UNC80: variants seen among roughly 807,000 people sequenced by gnomAD.
The protein encoded by UNC80 is unc-80 subunit of NALCN channel complex.
A neutral mutation model predicts 384.6 loss-of-function variants in UNC80; 164 were observed. The observed-to-expected ratio is 0.43, with a 90% CI of 0.38 to 0.49. The LOEUF (loss-of-function observed/expected upper bound fraction) is 0.49, where lower values mean the gene tolerates loss of function less well. UNC80 is among the 20% of genes least tolerant of loss of function. UNC80 has a pLI of 0.00. For synonymous variants in UNC80, 1,486 were observed against 1,527.8 expected, an observed-to-expected ratio of 0.97 and a Z score of 0.64; for missense variants, 3,330 against 4,143.0, an observed-to-expected ratio of 0.80 and a Z score of 5.39.
chr2:209,798,987 G>T (rs1343184440), intron 7 of UNC80, among the ~76,000 whole-genome samples: 1 of 150,074 alleles, frequency 6.7e-6, no homozygotes, highest in African/African-American at 2.4e-5. Context: ...CCCAGCCTAT[G>T]GGTCTCCTTT....
In UNC80 at chr2:209,954,128, T is replaced by A. The variant is rs575597019; in HGVS notation, c.7315T>A (p.Leu2439Ile). ...SLQMLMVLEA[L>I]VPCYLQKLKR... Reference sequence around the variant, plus strand: ...TCAGATGCTGATGGTCTTAGAAGCCTTAGTTCCATGTTACCTACAAAAGCT... The same window carrying A: ...TCAGATGCTGATGGTCTTAGAAGCCATAGTTCCATGTTACCTACAAAAGCT... The change falls in exon 48 of 65, where the codon TTA becomes ATA. Residue 2439 changes from leucine to isoleucine, a missense_variant. Physicochemically the swap from Leu to Ile is conservative, Grantham distance 5. Transcript: ENST00000673920. The A allele has an allele frequency of 6.1e-5, 94 of 1,550,854 alleles. No individual in the cohort carries two copies. The highest frequency in any genetic ancestry group is 8.1e-5 in the Non-Finnish European group (93 of 1,146,880).
chr2:209,869,666 T>C (rs956098756), intron 22 of UNC80, among the ~76,000 whole-genome samples: 1 of 152,178 alleles, frequency 6.6e-6, no homozygotes, highest in Non-Finnish European at 1.5e-5. Flanking sequence ...GTCATCATCC[T>C]TGATGGAAAC....
chr2:209,789,247 G>T lies in UNC80; in HGVS notation c.725-285G>T, dbSNP rs181637253. Among the ~76,000 whole-genome samples the T allele has an allele frequency of 9.2e-5, 14 of 152,302 alleles. No homozygotes were observed. In the East Asian group the frequency reaches 2.5e-3, roughly 27 times the overall value. On this transcript the variant is annotated intron_variant, in intron 5 of 64. Coordinates refer to ENST00000673920, the MANE Select transcript of UNC80 (RefSeq NM_001371986.1). ...CTTAGGAACTTTGCATATATTAGGT[G>T]CTGAGTAGGTGTTAACTATTATTGT...
intron 7 of UNC80, among the ~76,000 whole-genome samples, chr2:209,812,216 AT>A (rs796729702): frequency 0.029 from 3,988 of 137,510 alleles, 54 homozygotes; most frequent in Middle Eastern, 0.038. Context: ...AGAGCGGCTA[AT>A]TTTTTTTTTT....
intron 21 of UNC80, among the ~76,000 whole-genome samples, chr2:209,844,303 A>G (rs910744905): frequency 6.6e-6 from 1 of 152,130 alleles, no homozygotes; most frequent in Non-Finnish European, 1.5e-5. Context: ...CTAAAGTATA[A>G]CTGAGGCTTA....
At chr2:209,812,620 G>T (rs573241531) in intron 7 of UNC80, among the ~76,000 whole-genome samples, 1 of 152,144 alleles carries the variant, frequency 6.6e-6, no homozygotes, top group Non-Finnish European at 1.5e-5. Context: ...GTGCTTGGGA[G>T]TTAAGTTTAG....
chr2:209,784,206 C>T (rs984947426), intron 4 of UNC80, among the ~76,000 whole-genome samples: 1 of 152,096 alleles, frequency 6.6e-6, no homozygotes, highest in Admixed American at 6.6e-5. Context: ...TCTATTAGTA[C>T]CCCCATCTAA....
chr2:209,913,823 C>G lies in UNC80; in HGVS notation c.4912C>G (p.Pro1638Ala), dbSNP rs901436756. Reference protein sequence around the residue: ...RLQVMSLSPAPLSLLIKAAPI... With the variant: ...RLQVMSLSPAALSLLIKAAPI... ...CCAGGTGATGAGCTTGTCGCCTGCTCCCTTATCTCTGTTAATCAAGGCAGC... is the reference window on the plus strand; with the variant it reads ...CCAGGTGATGAGCTTGTCGCCTGCTGCCTTATCTCTGTTAATCAAGGCAGC... The change falls in exon 31 of 65, where the codon CCC becomes GCC. Residue 1638 changes from proline to alanine, a missense_variant. Pro to Ala is a conservative substitution (Grantham distance 27). Around this residue, in one of 8 missense-constraint regions of UNC80, gnomAD observed 801 missense variants for 950.8 expected, o/e 0.84. Transcript: ENST00000673920. 23 of 1,550,250 alleles carry G rather than the reference C, an allele frequency of 1.5e-5. No individual in the cohort carries two copies. The highest frequency in any genetic ancestry group is 2.7e-5 in the African/African-American group (2 of 73,030).
chr2:209,894,685 T>A (rs1173418685), intron 27 of UNC80, among the ~76,000 whole-genome samples: 1 of 152,188 alleles, frequency 6.6e-6, no homozygotes, highest in Non-Finnish European at 1.5e-5. Flanking sequence ...GACGACACTT[T>A]GAGCAGCAAG....
intron 23 of UNC80, among the ~76,000 whole-genome samples, chr2:209,875,146 C>T (rs752992373): frequency 5.3e-5 from 8 of 152,184 alleles, no homozygotes; most frequent in Non-Finnish European, 1.0e-4. Context: ...CAAGATATGA[C>T]ATTCATCCTC....
At chr2:209,772,228 G>T (rs1194818813) in intron 1 of UNC80, 64 bp downstream of exon 1, 2 of 1,019,384 alleles carry the variant, frequency 2.0e-6, no homozygotes, top group Non-Finnish European at 2.5e-6. Context: ...GGGCCGCCCG[G>T]GTCGCCGCTG....
At chr2:209,936,956 C>G (rs572854778) in intron 41 of UNC80, 23 bp downstream of exon 41, 1 of 1,476,618 alleles carries the variant, frequency 6.8e-7, no homozygotes, top group African/African-American at 1.4e-5. Flanking sequence ...TAGTGACATC[C>G]CCGTTGAGTT....
chr2:209,993,946 C>A, intron 63 of UNC80, 119 bp from the exon 64 acceptor site: 1 of 865,034 alleles, frequency 1.2e-6, no homozygotes, highest in Non-Finnish European at 1.7e-6. Flanking sequence ...TATTAATAAA[C>A]CAGCAATGTT....
rs771119608 is a variant in UNC80 at position 209,997,885 on chromosome 2, A to G, written c.*2290A>G. The G allele has an allele frequency of 6.6e-6, 1 of 152,164 alleles. No individual in the cohort carries two copies. Among genetic ancestry groups the G allele is most frequent in the Non-Finnish European group, 1.5e-5 (1 of 68,022 alleles). The allele number at this position is 152,164 out of a possible 1,614,324, so 9.4% of individuals were successfully genotyped here. The stretch of plus-strand genomic sequence containing the variant: ...GGCTAAAGTATCTATATGTATGTGC[A>G]TAAAACTGTCACAAGATGTATTCTC... On this transcript the variant is annotated 3_prime_UTR_variant, in exon 65 of 65. Coordinates refer to ENST00000673920, the MANE Select transcript of UNC80 (RefSeq NM_001371986.1).
At chr2:209,808,269 AAG>A (rs2079035684) in intron 7 of UNC80, among the ~76,000 whole-genome samples, 1 of 143,632 alleles carries the variant, frequency 7.0e-6, no homozygotes, top group African/African-American at 2.4e-5. Flanking sequence ...TAGGATTATT[AAG>A]AGTGTTCAAG....
At chr2:209,886,722 T>C (rs2085843131) in intron 25 of UNC80, among the ~76,000 whole-genome samples, 1 of 152,236 alleles carries the variant, frequency 6.6e-6, no homozygotes, top group African/African-American at 2.4e-5. Context: ...CTGAACTGCC[T>C]TTCCCCACTT....
Position 209,982,187 on chromosome 2 carries a change from A to G in UNC80, c.9127A>G (p.Ile3043Val), listed in dbSNP as rs891223670. ...TCCTTTGCCCCTTTTAGATGACTCTATAAGCATGCCCAGCGTGGTAAGTGA... is the reference window on the plus strand; with the variant it reads ...TCCTTTGCCCCTTTTAGATGACTCTGTAAGCATGCCCAGCGTGGTAAGTGA... ...TDEEDEENDS[I>V]SMPSVVSEQE... is the part of the protein sequence containing the mutation. The change falls in exon 60 of 65, where the codon ATA (isoleucine) becomes GTA (valine). Residue 3043 changes from isoleucine (I) to valine (V), a missense_variant. Physicochemically the swap from Ile to Val is conservative, Grantham distance 29. Transcript: ENST00000673920. 13 of 1,551,342 alleles carry G rather than the reference A, an allele frequency of 8.4e-6. No homozygotes were observed. Among genetic ancestry groups the G allele is most frequent in the East Asian group, 2.4e-5 (1 of 40,908 alleles).
At chr2:209,849,653 G>GC (rs2082383204) in intron 22 of UNC80, 30 bp downstream of exon 22, 1 of 1,546,370 alleles carries the variant, frequency 6.5e-7, no homozygotes, top group Non-Finnish European at 8.7e-7. Context: ...TTCCCACCCT[G>GC]CCCCCCATCC....
intron 25 of UNC80, 74 bp from the exon 26 acceptor site, chr2:209,888,021 T>C: frequency 6.9e-7 from 1 of 1,440,560 alleles, no homozygotes; most frequent in Non-Finnish European, 9.4e-7. Flanking sequence ...TTCAAAATGG[T>C]GGGAGGCTTG....
Sources: allele counts gnomAD v4.1 joint callset (sites outside exome capture counted in the v4.1 genomes callset), GRCh38; gene constraint gnomAD v4.1.1; regional missense constraint gnomAD v4.1.1; transcripts MANE v1.5; gene names NCBI Gene and HGNC (gene_info 2026-07-23, HGNC 2026-07-21).